The following ATXN1 variants were observed in gnomAD, a reference collection of about 807,000 sequenced individuals.
ATXN1 encodes ataxin 1, also known as ataxin-1.
ATXN1 carries 8 observed loss-of-function variants against 56.4 expected under a neutral mutation model. The observed-to-expected ratio is 0.14, with a 90% CI of 0.08 to 0.26. The LOEUF is 0.26. ATXN1 is among the 10% of genes least tolerant of loss of function. The pLI, the probability that ATXN1 is intolerant of heterozygous loss-of-function variation, is 1.00. For synonymous variants in ATXN1, 514 were observed against 494.6 expected, an observed-to-expected ratio of 1.04 and a Z score of -0.52; for missense variants, 987 against 1,106.5, an observed-to-expected ratio of 0.89 and a Z score of 1.53.
chr6:16,543,000 C>T (rs1282660229), intron 4 of ATXN1, among the ~76,000 whole-genome samples: 1 of 151,220 alleles, frequency 6.6e-6, no homozygotes, highest in Admixed American at 6.6e-5. Flanking sequence ...AAAATGACAC[C>T]GAAGATGGGG....
At chr6:16,569,498 G>T (rs1762291600) in intron 4 of ATXN1, among the ~76,000 whole-genome samples, 1 of 143,888 alleles carries the variant, frequency 6.9e-6, no homozygotes, top group South Asian at 2.3e-4. Context: ...CTGCACTCCA[G>T]CCTGGGCGAC....
chr6:16,348,386 A>G (rs1761483841), intron 6 of ATXN1, among the ~76,000 whole-genome samples: 1 of 152,084 alleles, frequency 6.6e-6, no homozygotes, highest in Non-Finnish European at 1.5e-5. Context: ...CTAAGCTTTG[A>G]TTTCCTCTTT....
chr6:16,532,268 T>A (rs990684021), intron 4 of ATXN1, among the ~76,000 whole-genome samples: 1 of 152,228 alleles, frequency 6.6e-6, no homozygotes, highest in Non-Finnish European at 1.5e-5. Context: ...GATGACAATG[T>A]CACACAGTAG....
At chr6:16,427,890 T>C (rs1759190154) in intron 6 of ATXN1, among the ~76,000 whole-genome samples, 1 of 152,182 alleles carries the variant, frequency 6.6e-6, no homozygotes, top group African/African-American at 2.4e-5. Flanking sequence ...TGAAACACTC[T>C]ATAAAAATTC....
chr6:16,504,970 C>G (rs1283971899), intron 5 of ATXN1, among the ~76,000 whole-genome samples: 3 of 150,926 alleles, frequency 2.0e-5, no homozygotes, highest in Non-Finnish European at 2.9e-5. Flanking sequence ...TCCTCCTCCT[C>G]CTGCAATCAG....
chr6:16,320,481 C>A (rs1280123689), intron 7 of ATXN1, among the ~76,000 whole-genome samples: 2 of 152,200 alleles, frequency 1.3e-5, no homozygotes, highest in Non-Finnish European at 2.9e-5. Context: ...CGTGTCAACC[C>A]AGAGCACTTT....
At chr6:16,390,432 G>A (rs1758329086) in intron 6 of ATXN1, among the ~76,000 whole-genome samples, 1 of 152,024 alleles carries the variant, frequency 6.6e-6, no homozygotes, top group Non-Finnish European at 1.5e-5. Flanking sequence ...GGATGCCTGA[G>A]TTCATACTAT....
chr6:16,456,283 G>A (rs772197878), intron 6 of ATXN1, among the ~76,000 whole-genome samples: 15 of 152,166 alleles, frequency 9.9e-5, no homozygotes, highest in Non-Finnish European at 1.6e-4. Flanking sequence ...TTGCAACGTG[G>A]TGAGTACCAT....
intron 6 of ATXN1, among the ~76,000 whole-genome samples, chr6:16,423,663 C>G (rs1364885095): frequency 2.0e-5 from 3 of 152,090 alleles, no homozygotes; most frequent in Non-Finnish European, 2.9e-5. Flanking sequence ...ATTACAGGCT[C>G]TCAAGGATTA....
At chr6:16,391,877 G>A (rs1758361149) in intron 6 of ATXN1, among the ~76,000 whole-genome samples, 2 of 152,212 alleles carry the variant, frequency 1.3e-5, no homozygotes, top group Admixed American at 6.5e-5. Flanking sequence ...AGGGGAGAAG[G>A]CAGTGCCCTT....
chr6:16,613,648 C>T (rs1763154433), intron 3 of ATXN1, among the ~76,000 whole-genome samples: 1 of 151,754 alleles, frequency 6.6e-6, no homozygotes, highest in East Asian at 1.9e-4. Flanking sequence ...TATAGTGAGA[C>T]CCCATCTCTA....
chr6:16,649,473 T>C (rs918360851), intron 3 of ATXN1, among the ~76,000 whole-genome samples: 1 of 152,242 alleles, frequency 6.6e-6, no homozygotes, highest in Non-Finnish European at 1.5e-5. Context: ...GACATGGTTA[T>C]GCATGACATA....
intron 6 of ATXN1, among the ~76,000 whole-genome samples, chr6:16,340,595 A>C (rs1761224037): frequency 6.6e-6 from 1 of 152,162 alleles, no homozygotes; most frequent in African/African-American, 2.4e-5. Flanking sequence ...TTACTGAATT[A>C]TCAAAACGGA....
intron 6 of ATXN1, among the ~76,000 whole-genome samples, chr6:16,377,630 C>T (rs1207881381): frequency 1.3e-5 from 2 of 152,062 alleles, no homozygotes; most frequent in East Asian, 1.9e-4. Context: ...CTGAATGGTG[C>T]TCTAAGAGCA....
At chr6:16,596,808 C>G (rs1762823474) in intron 3 of ATXN1, among the ~76,000 whole-genome samples, 1 of 152,182 alleles carries the variant, frequency 6.6e-6, no homozygotes, top group African/African-American at 2.4e-5. Flanking sequence ...GAGAAATCTT[C>G]ATCAAGGGCT....
At chr6:16,335,778 G>A (rs1426130010) in intron 6 of ATXN1, among the ~76,000 whole-genome samples, 2 of 152,210 alleles carry the variant, frequency 1.3e-5, no homozygotes, top group African/African-American at 4.8e-5. Context: ...AGAGAAAGAT[G>A]TGAGATGTAC....
chr6:16,629,136 G>A (rs541424781), intron 3 of ATXN1, among the ~76,000 whole-genome samples: 2 of 152,114 alleles, frequency 1.3e-5, no homozygotes, highest in Non-Finnish European at 2.9e-5. Context: ...CATCCAACTG[G>A]TTATTTTTTG....
chr6:16,372,415 G>A (rs1762058880), intron 6 of ATXN1, among the ~76,000 whole-genome samples: 1 of 152,200 alleles, frequency 6.6e-6, no homozygotes, highest in Non-Finnish European at 1.5e-5. Context: ...TGGAGAAACT[G>A]CAAACCGAGT....
intron 7 of ATXN1, among the ~76,000 whole-genome samples, chr6:16,311,733 T>TA (rs1385425021): frequency 7.2e-6 from 1 of 138,538 alleles, no homozygotes; most frequent in Non-Finnish European, 1.5e-5. Context: ...GCAAACCTCT[T>TA]AGAGTCATTA....
Sources: gnomAD v4.1 joint callset for allele counts (sites outside exome capture counted in the v4.1 genomes callset) on GRCh38, gnomAD v4.1.1 for gene constraint, MANE v1.5 for transcripts, NCBI Gene and HGNC (gene_info 2026-07-23, HGNC 2026-07-21) for gene names.